Variants in ELMO1 observed in about 807,000 individuals in gnomAD.
ELMO1 encodes engulfment and cell motility 1.
In ELMO1, 26 loss-of-function variants were observed where a neutral mutation model predicts 98.9. The ratio of observed to expected loss-of-function variants is 0.26; its 90% CI spans 0.19 to 0.36. The LOEUF (loss-of-function observed/expected upper bound fraction) is 0.36. Among genes scored for constraint, ELMO1 ranks in the 10% least tolerant of loss-of-function variants. ELMO1 has a pLI of 1.00. For synonymous variants in ELMO1, 346 were observed against 346.0 expected (o/e 1.00, Z 0.00); for missense variants, 627 against 935.2 (o/e 0.67, Z 4.30).
At chr7:37,151,193 C>G (rs1447650191) in intron 13 of ELMO1, among the ~76,000 whole-genome samples, 4 of 152,228 alleles carry the variant, frequency 2.6e-5, no homozygotes, top group African/African-American at 9.6e-5. Flanking sequence ...GTCCTGAGGT[C>G]TCTTGGGTTT....
chr7:37,333,895 G>A (rs1294072829), intron 2 of ELMO1, among the ~76,000 whole-genome samples: 7 of 152,186 alleles, frequency 4.6e-5, no homozygotes, highest in African/African-American at 1.4e-4. Context: ...GTAAAGGAGA[G>A]GCTAAGAATT....
At chr7:37,305,586 T>G (rs1798571225) in intron 4 of ELMO1, among the ~76,000 whole-genome samples, 1 of 152,226 alleles carries the variant, frequency 6.6e-6, no homozygotes, top group Non-Finnish European at 1.5e-5. Context: ...ATTTATTCAC[T>G]CTACAATTTC....
At chr7:37,216,793 G>T in intron 10 of ELMO1, 98 bp from the exon 11 acceptor site, 1 of 1,165,478 alleles carries the variant, frequency 8.6e-7, no homozygotes, top group Non-Finnish European at 1.3e-6. Flanking sequence ...CTTCGTAACT[G>T]TATATCAGCA....
rs139055367 is a variant in ELMO1, at chr7:37,193,465, C to G, written c.1086+17921G>C. 2.6e-5 allele frequency among the ~76,000 whole-genome samples: 4 copies of G among 152,274 alleles called. No individual in the cohort carries two copies. The East Asian group carries it at 7.7e-4, about 29-fold the overall frequency. ...GGGATGGAGGGAAGGCAGCCCAGAG[C>G]GGTCACCCCTCGGGTTAAGGAGGTG... On this transcript the variant is annotated intron_variant, in intron 13 of 21. Transcript: ENST00000310758.
At chr7:37,440,723 C>T (rs1450230146) in intron 1 of ELMO1, among the ~76,000 whole-genome samples, 5 of 150,348 alleles carry the variant, frequency 3.3e-5, no homozygotes, top group African/African-American at 9.8e-5. Context: ...GAGCCAAGAT[C>T]GCGCCACTAC....
At chr7:37,041,672 G>A (rs1795516601) in intron 15 of ELMO1, among the ~76,000 whole-genome samples, 1 of 152,016 alleles carries the variant, frequency 6.6e-6, no homozygotes, top group Non-Finnish European at 1.5e-5. Context: ...CACAGCCCCT[G>A]AAATACTGGC....
chr7:37,239,824 C>T (rs2130676744), intron 7 of ELMO1, among the ~76,000 whole-genome samples: 1 of 152,304 alleles, frequency 6.6e-6, no homozygotes, highest in South Asian at 2.1e-4. Flanking sequence ...CCACCATGTT[C>T]AATAACTAAA....
At chr7:37,438,123 C>G (rs983838757) in intron 1 of ELMO1, among the ~76,000 whole-genome samples, 2 of 152,182 alleles carry the variant, frequency 1.3e-5, no homozygotes, top group Non-Finnish European at 2.9e-5. Context: ...TCCTCTTTCC[C>G]TGCCAACCCC....
intron 6 of ELMO1, among the ~76,000 whole-genome samples, chr7:37,250,791 CAAAAA>C (rs574487076): frequency 3.1e-5 from 2 of 64,828 alleles, no homozygotes; most frequent in African/African-American, 1.1e-4. Flanking sequence ...GACTCCGTCT[CAAAAA>C]AAAAAAAAAA....
chr7:37,400,514 C>T (rs781563097), intron 1 of ELMO1, among the ~76,000 whole-genome samples: 10 of 152,164 alleles, frequency 6.6e-5, no homozygotes, highest in Non-Finnish European at 1.3e-4. Flanking sequence ...CTAAGATATA[C>T]TTTAAAAGCC....
rs908286709 is a variant in ELMO1 at position 36,854,071 on chromosome 7, C to A, written c.*1480G>T. ...AGAGAAAGTCATGGTCAAGAGACAG[C>A]AATGTAAAAGGAATAGATATTTTCA... On this transcript the variant is annotated 3_prime_UTR_variant, in exon 22 of 22. Coordinates refer to ENST00000310758, the MANE Select transcript of ELMO1 (RefSeq NM_014800.11). 2.6e-5 allele frequency among the ~76,000 whole-genome samples: 4 copies of A among 151,432 alleles called. No homozygotes were observed. The highest frequency in any genetic ancestry group is 5.9e-5 in the Non-Finnish European group (4 of 67,932).
At chr7:37,145,021 CAAAA>C (rs1009583303) in intron 13 of ELMO1, among the ~76,000 whole-genome samples, 1 of 152,048 alleles carries the variant, frequency 6.6e-6, no homozygotes, top group African/African-American at 2.4e-5. Flanking sequence ...ATTTTATAGA[CAAAA>C]AAACTGAGCC....
chr7:36,923,912 A>C (rs929066956), intron 16 of ELMO1, among the ~76,000 whole-genome samples: 5 of 152,148 alleles, frequency 3.3e-5, no homozygotes, highest in African/African-American at 1.2e-4. Flanking sequence ...AGAAAACTGA[A>C]AGTGGTTCTA....
At chr7:36,858,611 G>A (rs1419665493) in intron 21 of ELMO1, among the ~76,000 whole-genome samples, 1 of 152,160 alleles carries the variant, frequency 6.6e-6, no homozygotes, top group Non-Finnish European at 1.5e-5. Context: ...GATTATCCAG[G>A]CAGGCCCAAT....
At chr7:37,010,013 A>G (rs1178178279) in intron 16 of ELMO1, among the ~76,000 whole-genome samples, 1 of 152,232 alleles carries the variant, frequency 6.6e-6, no homozygotes, top group Non-Finnish European at 1.5e-5. Flanking sequence ...GATGGGCAGC[A>G]GAAAAAAATC....
chr7:37,412,848 T>A (rs1475413495), intron 1 of ELMO1, among the ~76,000 whole-genome samples: 1 of 152,128 alleles, frequency 6.6e-6, no homozygotes, highest in Non-Finnish European at 1.5e-5. Context: ...CTAAGAGACA[T>A]CCACAGCCAG....
chr7:37,386,698 C>T (rs997234290), intron 1 of ELMO1, among the ~76,000 whole-genome samples: 2 of 151,996 alleles, frequency 1.3e-5, no homozygotes, highest in African/African-American at 2.4e-5. Flanking sequence ...ACAGTCAGGT[C>T]GGGTAAGTAG....
chr7:37,256,113 T>C (rs1290703008), intron 6 of ELMO1, among the ~76,000 whole-genome samples: 1 of 152,172 alleles, frequency 6.6e-6, no homozygotes, highest in Non-Finnish European at 1.5e-5. Flanking sequence ...ATCCCTAAAC[T>C]TTTTCAACTT....
chr7:37,335,934 G>C (rs1285927792), intron 2 of ELMO1, among the ~76,000 whole-genome samples: 1 of 152,090 alleles, frequency 6.6e-6, no homozygotes, highest in African/African-American at 2.4e-5. Flanking sequence ...CATAAAGAAC[G>C]CATCTAGGCA....
Sources: gnomAD v4.1 joint callset for allele counts (sites outside exome capture counted in the v4.1 genomes callset) on GRCh38, gnomAD v4.1.1 for gene constraint, MANE v1.5 for transcripts, NCBI Gene and HGNC (gene_info 2026-07-23, HGNC 2026-07-21) for gene names.